Variants in FARS2 observed in about 807,000 individuals in gnomAD.
FARS2 encodes phenylalanyl-tRNA synthetase 2, mitochondrial.
A neutral mutation model predicts 46.4 loss-of-function variants in FARS2; 40 were observed. The ratio of observed to expected loss-of-function variants is 0.86; its 90% CI spans 0.67 to 1.12. FARS2 has a LOEUF of 1.12. FARS2 is among the 50% of genes most tolerant of loss of function. FARS2 has a pLI of 0.00. For missense variants in FARS2, 513 were observed against 567.9 expected (o/e 0.90, Z 0.98); for synonymous variants, 234 against 214.9 (o/e 1.09, Z -0.78).
chr6:5,404,537 T>C lies in FARS2; in HGVS notation c.613-5T>C. The C allele has an allele frequency of 1.3e-6, 2 of 1,576,068 alleles. No homozygotes were observed. Among genetic ancestry groups the C allele is most frequent in the South Asian group, 1.2e-5 (1 of 84,026 alleles). ...CTTTATTTATACTTTCCTGTTGGTT[T>C]ACAGTTATTTGCTGGTATAAAGGAT... On this transcript the variant is annotated splice_polypyrimidine_tract_variant and splice_region_variant and intron_variant, in intron 2 of 6. Transcript: ENST00000274680.
chr6:5,600,833 A>G (rs1774467822), intron 5 of FARS2, among the ~76,000 whole-genome samples: 1 of 152,216 alleles, frequency 6.6e-6, no homozygotes, highest in Non-Finnish European at 1.5e-5. Context: ...ATTAGGCTGA[A>G]TAGACTACTT....
chr6:5,739,331 T>TA (rs58579538), intron 6 of FARS2, among the ~76,000 whole-genome samples: 34,084 of 145,822 alleles, frequency 0.23, 4,148 homozygotes, highest in Admixed American at 0.32. Context: ...CCCCCGTCTC[T>TA]AAAAAAAAAA....
At chr6:5,589,707 A>T (rs1281247948) in intron 5 of FARS2, among the ~76,000 whole-genome samples, 1 of 152,246 alleles carries the variant, frequency 6.6e-6, no homozygotes, top group Non-Finnish European at 1.5e-5. Context: ...CTGAGATTGG[A>T]CAGAGATAAG....
chr6:5,568,059 G>C (rs1326549623), intron 5 of FARS2, among the ~76,000 whole-genome samples: 9 of 152,158 alleles, frequency 5.9e-5, no homozygotes, highest in African/African-American at 1.9e-4. Flanking sequence ...TTTCTCTGTT[G>C]ACTTGTGATT....
intron 6 of FARS2, among the ~76,000 whole-genome samples, chr6:5,628,249 A>T (rs1167493463): frequency 6.6e-6 from 1 of 152,196 alleles, no homozygotes; most frequent in African/African-American, 2.4e-5. Context: ...TTTGCCACAG[A>T]TGAGGAACAG....
At chr6:5,333,916 A>T (rs111896076) in intron 1 of FARS2, among the ~76,000 whole-genome samples, 2 of 151,808 alleles carry the variant, frequency 1.3e-5, no homozygotes, top group Non-Finnish European at 2.9e-5. Context: ...TGGAACCTCA[A>T]CCTCTTCCAG....
chr6:5,474,447 A>G (rs1561646072), intron 4 of FARS2, among the ~76,000 whole-genome samples: 2 of 151,976 alleles, frequency 1.3e-5, no homozygotes, highest in Non-Finnish European at 2.9e-5. Flanking sequence ...TTGTTAGGCA[A>G]TTTTGTCGTT....
chr6:5,470,847 C>T (rs1172738586), intron 4 of FARS2, among the ~76,000 whole-genome samples: 2 of 152,172 alleles, frequency 1.3e-5, no homozygotes, highest in Admixed American at 1.3e-4. Context: ...TAAAGAGACT[C>T]AATTTTTTTA....
intron 6 of FARS2, among the ~76,000 whole-genome samples, chr6:5,659,292 C>A (rs1278542904): frequency 2.0e-5 from 3 of 152,164 alleles, no homozygotes; most frequent in Non-Finnish European, 2.9e-5. Flanking sequence ...CCAAGTGTAA[C>A]CCCAGTCGTT....
At chr6:5,536,138 A>G (rs1044362532) in intron 4 of FARS2, among the ~76,000 whole-genome samples, 5 of 140,348 alleles carry the variant, frequency 3.6e-5, no homozygotes, top group African/African-American at 1.4e-4. Flanking sequence ...TGCAAGCTCC[A>G]CCTTCCGGGT....
chr6:5,558,850 C>T (rs1240644020), intron 5 of FARS2, among the ~76,000 whole-genome samples: 1 of 152,084 alleles, frequency 6.6e-6, no homozygotes, highest in Admixed American at 6.5e-5. Context: ...TTATTAATTA[C>T]AAGTTATAAT....
upstream of FARS2, chr6:5,261,301 C>G (rs1362878475): frequency 6.5e-6 from 1 of 152,798 alleles, no homozygotes; most frequent in African/African-American, 2.4e-5. Flanking sequence ...CGATGCCCCT[C>G]CCACGCCGGC....
chr6:5,404,702 G>GT lies in FARS2; in HGVS notation c.772+2dup. The GT allele has an allele frequency of 6.3e-7, 1 of 1,582,998 alleles. No homozygotes were observed. Among genetic ancestry groups the GT allele is most frequent in the Non-Finnish European group, 8.6e-7 (1 of 1,163,036 alleles). On this transcript the variant is annotated splice_donor_variant, in intron 3 of 6. Coordinates refer to ENST00000274680, the MANE Select transcript of FARS2 (RefSeq NM_006567.5). LOFTEE classifies it high-confidence loss of function. Reference sequence around the variant, plus strand: ...CTCATGGCACATCTTTTTGGAGATGGTAAGTGCTCAAACACAGGTTGACGA... The same window carrying GT: ...CTCATGGCACATCTTTTTGGAGATGGTTAAGTGCTCAAACACAGGTTGACGA...
intron 1 of FARS2, among the ~76,000 whole-genome samples, chr6:5,283,231 G>T (rs1231702303): frequency 6.6e-6 from 1 of 151,988 alleles, no homozygotes; most frequent in Non-Finnish European, 1.5e-5. Flanking sequence ...AAATTAGCTG[G>T]GCATGTTGGC....
intron 4 of FARS2, among the ~76,000 whole-genome samples, chr6:5,525,264 T>TTTTTTTTTTTTTTTTTTTTTTTGAGACGG (rs1769390490): frequency 6.6e-6 from 1 of 151,188 alleles, no homozygotes; most frequent in Non-Finnish European, 1.5e-5. Context: ...TTAATATTAT[T>TTTTTTTTTTTTTTTTTTTTTTTGAGACGG]AGTGACTTAT....
chr6:5,758,383 T>C (rs1435268018), intron 6 of FARS2, among the ~76,000 whole-genome samples: 1 of 152,232 alleles, frequency 6.6e-6, no homozygotes, highest in Admixed American at 6.5e-5. Flanking sequence ...CTCCCTTTTA[T>C]AGTGATACAT....
chr6:5,481,942 G>A (rs911646208), intron 4 of FARS2, among the ~76,000 whole-genome samples: 3 of 152,166 alleles, frequency 2.0e-5, no homozygotes, highest in African/African-American at 4.8e-5. Context: ...GACTGTCCTC[G>A]TAAGTTCCTT....
chr6:5,743,774 G>A (rs1761483276), intron 6 of FARS2, among the ~76,000 whole-genome samples: 1 of 152,204 alleles, frequency 6.6e-6, no homozygotes, highest in South Asian at 2.1e-4. Context: ...AACATGCTGA[G>A]TTCAAAGTCA....
chr6:5,287,127 T>A (rs1767175538), intron 1 of FARS2, among the ~76,000 whole-genome samples: 1 of 152,202 alleles, frequency 6.6e-6, no homozygotes, highest in East Asian at 1.9e-4. Flanking sequence ...TTCAATTTGG[T>A]TTTGGTGTTG....
Sources: allele counts gnomAD v4.1 joint callset (sites outside exome capture counted in the v4.1 genomes callset), GRCh38; gene constraint gnomAD v4.1.1; transcripts MANE v1.5; gene names NCBI Gene and HGNC (gene_info 2026-07-23, HGNC 2026-07-21).